Variants in PDE10A observed in about 807,000 individuals in gnomAD.
PDE10A encodes the protein cAMP and cAMP-inhibited cGMP 3',5'-cyclic phosphodiesterase 10A.
A neutral mutation model predicts 97.7 loss-of-function variants in PDE10A; 39 were observed. That is an observed-to-expected ratio of 0.40 (90% CI 0.31 to 0.52). The LOEUF (loss-of-function observed/expected upper bound fraction) is 0.52. Ranked by LOEUF, PDE10A falls within the 20% of genes least tolerant of loss-of-function variation. The probability of loss-of-function intolerance (pLI) is 0.56; values close to 1 mark genes in which losing one functional copy is unlikely to be tolerated. For missense variants in PDE10A, 731 were observed against 1,047.8 expected (o/e 0.70, Z 4.17); for synonymous variants, 371 against 376.8 (o/e 0.98, Z 0.18).
chr6:165,481,392 T>A (rs1779598800), intron 3 of PDE10A, among the ~76,000 whole-genome samples: 2 of 152,104 alleles, frequency 1.3e-5, no homozygotes, highest in East Asian at 1.9e-4. Flanking sequence ...CAAGGAATTC[T>A]TCCCTCCCCT....
chr6:165,750,532 G>A (rs1011662432), intron 1 of PDE10A, among the ~76,000 whole-genome samples: 1 of 152,100 alleles, frequency 6.6e-6, no homozygotes, highest in Non-Finnish European at 1.5e-5. Flanking sequence ...TGTCAAGGGC[G>A]AATTTATTTC....
chr6:165,480,993 T>G lies in PDE10A; in HGVS notation c.1023+1322A>C, dbSNP rs563720029. Among the ~76,000 whole-genome samples the G allele has an allele frequency of 4.6e-5, 7 of 152,364 alleles. No individual in the cohort carries two copies. The South Asian group carries it at 8.3e-4, about 18-fold the overall frequency. On this transcript the variant is annotated intron_variant, in intron 3 of 21. Transcript: ENST00000539869. Reference sequence around the variant, plus strand: ...TTTGGCATAATGTAAGAGAATCTTATGAATAATAGCGAAGAAAAATCACTA... The same window carrying G: ...TTTGGCATAATGTAAGAGAATCTTAGGAATAATAGCGAAGAAAAATCACTA...
In PDE10A at chr6:165,449,843, T is replaced by TCA. The variant is rs566091366; in HGVS notation, c.1144+397_1144+398dup. ...ACTTTTCTAACTTTCCCCATTCTAT[T>TCA]CACAACATAAACCATTTCTTAAATG... On this transcript the variant is annotated intron_variant, in intron 4 of 21. Coordinates refer to ENST00000539869, the MANE Select transcript of PDE10A (RefSeq NM_001385079.1). 5.7e-3 allele frequency among the ~76,000 whole-genome samples: 864 copies of TCA among 152,238 alleles called. 8 individuals carry two copies. The highest frequency in any genetic ancestry group is 4.9e-3 in the Non-Finnish European group (332 of 67,990).
intron 1 of PDE10A, among the ~76,000 whole-genome samples, chr6:165,750,082 T>C (rs1455487929): frequency 6.6e-6 from 1 of 152,092 alleles, no homozygotes; most frequent in Non-Finnish European, 1.5e-5. Flanking sequence ...ATGAGGTGGG[T>C]ATTGAAGACT....
chr6:165,403,029 A>G (rs1174987928), intron 13 of PDE10A, among the ~76,000 whole-genome samples: 1 of 152,218 alleles, frequency 6.6e-6, no homozygotes, highest in Non-Finnish European at 1.5e-5. Flanking sequence ...TACTAATTGT[A>G]TACATTTAGG....
intron 1 of PDE10A, among the ~76,000 whole-genome samples, chr6:165,774,115 T>C (rs1187451288): frequency 6.6e-6 from 1 of 151,742 alleles, no homozygotes; most frequent in East Asian, 1.9e-4. Context: ...AAACACTAGC[T>C]CCCTCTGAAA....
In PDE10A at chr6:165,335,048, C is replaced by T. The variant is rs552827589; in HGVS notation, c.3065+1075G>A. Among the ~76,000 whole-genome samples the T allele has an allele frequency of 2.0e-5, 3 of 152,316 alleles. No individual in the cohort carries two copies. The East Asian group carries it at 5.8e-4, about 29-fold the overall frequency. Reference sequence around the variant, plus strand: ...GTTAAAACATGGCCCGGAGCCAATTCACCTAGAAAAGACTCACACGCACAG... The same window carrying T: ...GTTAAAACATGGCCCGGAGCCAATTTACCTAGAAAAGACTCACACGCACAG... On this transcript the variant is annotated intron_variant, in intron 21 of 21. Coordinates refer to ENST00000539869, the MANE Select transcript of PDE10A (RefSeq NM_001385079.1).
At chr6:165,532,725 T>C (rs1376886558) in intron 2 of PDE10A, among the ~76,000 whole-genome samples, 4 of 152,194 alleles carry the variant, frequency 2.6e-5, no homozygotes, top group African/African-American at 9.6e-5. Flanking sequence ...GTGATGTTCA[T>C]GTTACTGGTC....
intron 1 of PDE10A, among the ~76,000 whole-genome samples, chr6:165,622,936 T>A (rs2983504): frequency 0.11 from 16,329 of 151,952 alleles, 869 homozygotes; most frequent in Middle Eastern, 0.13. Context: ...TGAGATCTGG[T>A]CATTTAAAAG....
At chr6:165,354,659 A>C (rs1187235944) in intron 18 of PDE10A, among the ~76,000 whole-genome samples, 1 of 152,210 alleles carries the variant, frequency 6.6e-6, no homozygotes, top group Admixed American at 6.5e-5. Flanking sequence ...GGTGCCACCT[A>C]GGGAACATGG....
Position 165,898,148 on chromosome 6 carries a change from C to A in PDE10A, c.-615+89381G>T, listed in dbSNP as rs1782008133. Among the ~76,000 whole-genome samples, 9 of 151,912 alleles carry A rather than the reference C, an allele frequency of 5.9e-5. 1 individual carries two copies. Among genetic ancestry groups the A allele is most frequent in the Admixed American group, 5.9e-4 (9 of 15,262 alleles). On this transcript the variant is annotated intron_variant, in intron 1 of 19. Coordinates refer to the PDE10A transcript ENST00000366882. ...CATCTGCCAGAAATGGGAGTCCAGTCTTCTTACTGCTGTGCCCAGATCCCC... is the reference window on the plus strand; with the variant it reads ...CATCTGCCAGAAATGGGAGTCCAGTATTCTTACTGCTGTGCCCAGATCCCC...
At chr6:165,799,117 G>A (rs963506719) in intron 1 of PDE10A, among the ~76,000 whole-genome samples, 1 of 152,194 alleles carries the variant, frequency 6.6e-6, no homozygotes, top group African/African-American at 2.4e-5. Context: ...TTTAAATTCT[G>A]GCTAAGCAGC....
chr6:165,407,700 C>T (rs1481082770), intron 13 of PDE10A, among the ~76,000 whole-genome samples: 1 of 152,174 alleles, frequency 6.6e-6, no homozygotes, highest in African/African-American at 2.4e-5. Context: ...GTCTTTCTAT[C>T]CAAAATGTAC....
intron 17 of PDE10A, 130 bp from the exon 18 acceptor site, chr6:165,379,496 CTTTTG>C: frequency 1.5e-6 from 1 of 684,540 alleles, no homozygotes. Flanking sequence ...TTTGGGGTAA[CTTTTG>C]TTTTTTTTGA....
rs1051985833 is a variant in PDE10A at position 165,515,609 on chromosome 6, C to T, written c.994+27831G>A. Among the ~76,000 whole-genome samples, 10 of 150,814 alleles carry T rather than the reference C, an allele frequency of 6.6e-5. No homozygotes were observed. In the East Asian group the frequency reaches 1.2e-3, roughly 18 times the overall value. ...GACAATCTCAGCTCACTGTAACCTC[C>T]GTCTCCAGGGTTCAAACGATTCTCC... is the stretch of plus-strand genomic sequence containing the variant. On this transcript the variant is annotated intron_variant, in intron 2 of 21. Coordinates refer to ENST00000539869, the MANE Select transcript of PDE10A (RefSeq NM_001385079.1).
chr6:165,608,554 T>C (rs1295943421), intron 1 of PDE10A, among the ~76,000 whole-genome samples: 1 of 152,128 alleles, frequency 6.6e-6, no homozygotes, highest in East Asian at 1.9e-4. Context: ...CTATTGTGAA[T>C]AGTGCCACAG....
At chr6:165,737,305 T>TTGTTG (rs1329472411) in intron 1 of PDE10A, among the ~76,000 whole-genome samples, 55 of 152,206 alleles carry the variant, frequency 3.6e-4, no homozygotes, top group Admixed American at 3.5e-3. Context: ...CCAACATTAC[T>TTGTTG]TTAATACCAA....
intron 1 of PDE10A, among the ~76,000 whole-genome samples, chr6:165,616,227 C>T (rs1020372930): frequency 5.3e-5 from 8 of 152,012 alleles, no homozygotes; most frequent in Admixed American, 3.9e-4. Flanking sequence ...CCTTTCGTAC[C>T]CAGAATCCTA....
At chr6:165,961,262 A>G (rs142065930) in intron 1 of PDE10A, among the ~76,000 whole-genome samples, 20 of 152,346 alleles carry the variant, frequency 1.3e-4, no homozygotes, top group Non-Finnish European at 2.4e-4. Context: ...ACTACATAGC[A>G]TGATGGCCTT....
Sources: gnomAD v4.1 joint callset for allele counts (sites outside exome capture counted in the v4.1 genomes callset) on GRCh38, gnomAD v4.1.1 for gene constraint, MANE v1.5 for transcripts, NCBI Gene and HGNC (gene_info 2026-07-23, HGNC 2026-07-21) for gene names.